Variants in KCNQ4 observed in about 807,000 individuals in gnomAD.
The protein encoded by KCNQ4 is potassium voltage-gated channel subfamily Q member 4.
KCNQ4 carries 31 observed loss-of-function variants against 72.6 expected under a neutral mutation model. The ratio of observed to expected loss-of-function variants is 0.43; its 90% confidence interval spans 0.32 to 0.58. KCNQ4 has a LOEUF of 0.58. Ranked by LOEUF, KCNQ4 falls within the 20% of genes least tolerant of loss-of-function variation. KCNQ4 has a pLI of 0.08. For missense variants in KCNQ4, 869 were observed against 962.6 expected (o/e 0.90, Z 1.29); for synonymous variants, 405 against 403.7 (o/e 1.00, Z -0.04).
intron 1 of KCNQ4, among the ~76,000 whole-genome samples, chr1:40,787,750 G>A (rs537845530): frequency 6.6e-6 from 1 of 152,254 alleles, no homozygotes; most frequent in East Asian, 1.9e-4. Flanking sequence ...CACAGGCCCT[G>A]CTCTCTGAAT....
chr1:40,823,801 G>A (rs977090806), intron 8 of KCNQ4, among the ~76,000 whole-genome samples: 3 of 152,230 alleles, frequency 2.0e-5, no homozygotes, highest in Non-Finnish European at 4.4e-5. Flanking sequence ...CTCTGAGGAG[G>A]CACGGCACGT....
intron 7 of KCNQ4, among the ~76,000 whole-genome samples, chr1:40,821,605 A>C (rs1648293435): frequency 6.6e-6 from 1 of 152,196 alleles, no homozygotes; most frequent in Non-Finnish European, 1.5e-5. Context: ...CTCAGTCCTT[A>C]GTATTCCCAT....
At chr1:40,832,684 T>C (rs1469559686) in intron 10 of KCNQ4, among the ~76,000 whole-genome samples, 2 of 152,220 alleles carry the variant, frequency 1.3e-5, no homozygotes, top group African/African-American at 2.4e-5. Flanking sequence ...CTCACTGTTC[T>C]GCAAGGTGGA....
rs1203213391 is a variant in KCNQ4 at position 40,815,832 on chromosome 1, A to T, written c.315-1433A>T. 2.6e-5 allele frequency among the ~76,000 whole-genome samples: 4 copies of T among 152,132 alleles called. No individual in the cohort carries two copies. In the East Asian group the frequency reaches 5.8e-4, roughly 22 times the overall value. ...GATAACGAGATGGCTCAGAGAAGGC[A>T]GGTGACAGTCTCAAAACCACACACA... On this transcript the variant is annotated intron_variant, in intron 1 of 13. Transcript: ENST00000347132.
chr1:40,813,470 A>G (rs1647985907), intron 1 of KCNQ4, among the ~76,000 whole-genome samples: 1 of 152,098 alleles, frequency 6.6e-6, no homozygotes, highest in Non-Finnish European at 1.5e-5. Context: ...GAAAGGAAGA[A>G]TGAAGGAGCC....
At chr1:40,792,054 G>T (rs945093790) in intron 1 of KCNQ4, among the ~76,000 whole-genome samples, 15 of 152,030 alleles carry the variant, frequency 9.9e-5, no homozygotes, top group Non-Finnish European at 2.1e-4. Context: ...GGGTGGGGTA[G>T]GGATCAGATC....
intron 9 of KCNQ4, among the ~76,000 whole-genome samples, chr1:40,825,284 G>C (rs761070001): frequency 6.6e-6 from 1 of 152,162 alleles, no homozygotes; most frequent in East Asian, 1.9e-4. Flanking sequence ...GAGAAGAGGC[G>C]AGCCGCCCAG....
intron 12 of KCNQ4, among the ~76,000 whole-genome samples, chr1:40,836,653 G>T (rs1222371629): frequency 6.6e-6 from 1 of 152,210 alleles, no homozygotes; most frequent in Non-Finnish European, 1.5e-5. Context: ...TAACAAAGGA[G>T]ACTGTAAAGG....
At chr1:40,812,723 C>G (rs1285211651) in intron 1 of KCNQ4, among the ~76,000 whole-genome samples, 2 of 152,106 alleles carry the variant, frequency 1.3e-5, no homozygotes, top group Non-Finnish European at 2.9e-5. Context: ...AGAGGCGTTA[C>G]TTTTTAGGAA....
rs1181316883 is a variant in KCNQ4 at position 40,784,311 on chromosome 1, C to A, written c.218C>A (p.Ser73Tyr). 2 of 1,604,860 alleles carry A rather than the reference C, an allele frequency of 1.2e-6. No homozygotes were observed. Among genetic ancestry groups the A allele is most frequent in the African/African-American group, 1.3e-5 (1 of 74,818 alleles). ...SGSGSACGQRSSAAHKRYRRL... is the reference protein window; with the variant it reads ...SGSGSACGQRYSAAHKRYRRL... ...TCGGGCTCCGCCTGCGGCCAGCGCTCCTCGGCCGCGCACAAGCGCTACCGC... is the reference window on the plus strand; with the variant it reads ...TCGGGCTCCGCCTGCGGCCAGCGCTACTCGGCCGCGCACAAGCGCTACCGC... Residue 73 changes from serine (S) to tyrosine (Y), a missense_variant, in exon 1 of 14, where the codon TCC becomes TAC. Coordinates refer to ENST00000347132, the MANE Select transcript of KCNQ4 (RefSeq NM_004700.4). This position sits in a 1 kb window ranked among gnomAD's most constrained non-coding sequence, Gnocchi z 4.1.
rs554498499 is a variant in KCNQ4 at position 40,832,607 on chromosome 1, T to C, written c.1514-407T>C. On this transcript the variant is annotated intron_variant, in intron 10 of 13. Transcript: ENST00000347132. ...AGCCAGCCACTTGGGTGTCCTTCCA[T>C]CTTAGCTGAAGGAGAAGACTGTGTG... Among the ~76,000 whole-genome samples, 41 of 152,292 alleles carry C rather than the reference T, an allele frequency of 2.7e-4. 1 individual carries two copies. Among genetic ancestry groups the C allele is most frequent in the African/African-American group, 9.9e-4 (41 of 41,566 alleles).
Position 40,784,381 on chromosome 1 carries a change from C to T in KCNQ4, c.288C>T (p.Gly96=). ...ACAACGTGCTGGAGCGGCCCCGCGGCTGGGCCTTCGTCTACCACGTCTTCA... is the reference window on the plus strand; with the variant it reads ...ACAACGTGCTGGAGCGGCCCCGCGGTTGGGCCTTCGTCTACCACGTCTTCA... The part of the protein sequence containing the change: ...WVYNVLERPR[G]WAFVYHVFIF... The change falls in exon 1 of 14, where the codon GGC becomes GGT. Residue 96 remains glycine (G), a synonymous_variant. Coordinates refer to ENST00000347132, the MANE Select transcript of KCNQ4 (RefSeq NM_004700.4). The surrounding 1 kb of genome is among the most constrained non-coding windows in gnomAD (Gnocchi z 4.1). The T allele has an allele frequency of 6.2e-7, 1 of 1,610,004 alleles. No homozygotes were observed. Among genetic ancestry groups the T allele is most frequent in the South Asian group, 1.1e-5 (1 of 91,084 alleles).
intron 1 of KCNQ4, among the ~76,000 whole-genome samples, chr1:40,812,736 A>T (rs1647965257): frequency 6.6e-6 from 1 of 152,192 alleles, no homozygotes; most frequent in Admixed American, 6.5e-5. Flanking sequence ...TTTAGGAAAG[A>T]CATGGGGCAG....
Position 40,819,396 on chromosome 1 carries a change from C to G in KCNQ4, c.758C>G (p.Ser253Cys), listed in dbSNP as rs1282231132. 2 of 1,613,990 alleles carry G rather than the reference C, an allele frequency of 1.2e-6. No individual in the cohort carries two copies. The highest frequency in any genetic ancestry group is 1.1e-5 in the South Asian group (1 of 91,086). Residue 253 changes from serine (S) to cysteine (C), a missense_variant, in exon 5 of 14, where the codon TCC becomes TGC. Around this residue, in one of 5 missense-constraint regions of KCNQ4, gnomAD observed 179 missense variants for 243.0 expected, o/e 0.74. Coordinates refer to ENST00000347132, the MANE Select transcript of KCNQ4 (RefSeq NM_004700.4). ...GGGTTCCTGGTGCTCATCTTCGCCT[C>G]CTTCCTGGTCTACCTGGCTGAGAAG... ...YIGFLVLIFASFLVYLAEKDA... is the reference protein window; with the variant it reads ...YIGFLVLIFACFLVYLAEKDA...
intron 8 of KCNQ4, among the ~76,000 whole-genome samples, chr1:40,822,678 C>T (rs1648341027): frequency 6.6e-6 from 1 of 152,242 alleles, no homozygotes; most frequent in Non-Finnish European, 1.5e-5. Context: ...AGTGTGCATG[C>T]TCACCCATAG....
intron 1 of KCNQ4, among the ~76,000 whole-genome samples, chr1:40,807,392 G>T (rs1361241194): frequency 1.3e-5 from 2 of 152,196 alleles, no homozygotes; most frequent in Admixed American, 6.5e-5. Context: ...AAGCCCCAGC[G>T]CAAGCCTCTG....
intron 7 of KCNQ4, among the ~76,000 whole-genome samples, chr1:40,821,243 T>C (rs1429833322): frequency 6.6e-6 from 1 of 152,150 alleles, no homozygotes. Context: ...ATGAGACAGC[T>C]CTGGCAGCTG....
At position 40,822,509 on chromosome 1, in the gene KCNQ4, C is replaced by T. The variant is rs1648335590; in HGVS notation, c.1130+107C>T. The T allele has an allele frequency of 7.0e-6, 6 of 857,742 alleles. No homozygotes were observed. The South Asian group carries it at 9.0e-5, about 13-fold the overall frequency. 53.1% of individuals were successfully genotyped at this position (857,742 alleles called of 1,614,324 possible). On this transcript the variant is annotated intron_variant, in intron 8 of 13. Transcript: ENST00000347132. The stretch of plus-strand genomic sequence containing the variant: ...AGGGTGGAAAGGGGGTGATGGCTCC[C>T]AGGGGAGCACCCTGGGCTGGCTCTG...
chr1:40,836,676 A>G (rs887780209), intron 12 of KCNQ4, among the ~76,000 whole-genome samples: 2 of 152,198 alleles, frequency 1.3e-5, no homozygotes, highest in Non-Finnish European at 2.9e-5. Flanking sequence ...AGGTCAGGGA[A>G]GTAGGAAAAG....
Sources: allele counts gnomAD v4.1 joint callset (sites outside exome capture counted in the v4.1 genomes callset), GRCh38; gene constraint gnomAD v4.1.1; regional missense constraint gnomAD v4.1.1; non-coding constraint Gnocchi (gnomAD v3.1); transcripts MANE v1.5; gene names NCBI Gene and HGNC (gene_info 2026-07-23, HGNC 2026-07-21).